The following CREB5 variants were observed in gnomAD, a reference collection of about 807,000 sequenced individuals.
CREB5 encodes cAMP responsive element binding protein 5, also known as cyclic AMP-responsive element-binding protein 5.
CREB5 carries 19 observed loss-of-function variants against 57.1 expected under a neutral mutation model. The ratio of observed to expected loss-of-function variants is 0.33; its 90% confidence interval spans 0.23 to 0.49. CREB5 has a LOEUF of 0.49. Among genes scored for constraint, CREB5 ranks in the 20% least tolerant of loss-of-function variants. The pLI, the probability that CREB5 is intolerant of heterozygous loss-of-function variation, is 0.99. For missense variants in CREB5, 579 were observed against 671.6 expected (o/e 0.86, Z 1.52); for synonymous variants, 238 against 238.3 (o/e 1.00, Z 0.01).
chr7:28,552,433 T>G (rs4722818), intron 4 of CREB5, among the ~76,000 whole-genome samples: 1 of 151,990 alleles, frequency 6.6e-6, no homozygotes, highest in East Asian at 1.9e-4. Flanking sequence ...TTTCCTCCCA[T>G]GTTTCTGGTC....
At chr7:28,711,129 T>C (rs1254665900) in intron 5 of CREB5, among the ~76,000 whole-genome samples, 1 of 152,004 alleles carries the variant, frequency 6.6e-6, no homozygotes. Context: ...CACAGGGAGG[T>C]GGGCTTACTG....
chr7:28,488,074 A>G (rs1791645632), intron 1 of CREB5, 101 bp from the exon 2 acceptor site: 2 of 998,950 alleles, frequency 2.0e-6, no homozygotes, highest in Non-Finnish European at 3.1e-6. Flanking sequence ...TTGGCATAGA[A>G]AGGGGGCTCT....
At chr7:28,618,748 C>T (rs761985744) in intron 5 of CREB5, among the ~76,000 whole-genome samples, 7 of 152,208 alleles carry the variant, frequency 4.6e-5, no homozygotes, top group Non-Finnish European at 8.8e-5. Flanking sequence ...GACAACACCC[C>T]CAACCCCTTG....
intron 4 of CREB5, among the ~76,000 whole-genome samples, chr7:28,545,180 TA>T (rs1251521361): frequency 6.6e-6 from 1 of 152,110 alleles, no homozygotes; most frequent in African/African-American, 2.4e-5. Flanking sequence ...AAATAAAATC[TA>T]AGAATTCCAC....
chr7:28,818,625 T>A (rs1809577232), intron 10 of CREB5: 1 of 404,016 alleles, frequency 2.5e-6, no homozygotes, highest in Non-Finnish European at 4.8e-6. Flanking sequence ...TTTACCAATA[T>A]GTAAAATGAT....
At chr7:28,368,108 C>A (rs1479713722) in intron 1 of CREB5, among the ~76,000 whole-genome samples, 1 of 152,186 alleles carries the variant, frequency 6.6e-6, no homozygotes, top group Non-Finnish European at 1.5e-5. Flanking sequence ...CAGGATGGAA[C>A]TGGAGGCCAT....
At position 28,435,860 on chromosome 7, in the gene CREB5, A is replaced by C. The variant is rs149213290; in HGVS notation, c.3+22943A>C. ...TGGTGACTCTTGGATTTACCTAGAA[A>C]ATGAAAAAATATTCTTTACAGAAAC... On this transcript the variant is annotated intron_variant, in intron 1 of 10. Transcript: ENST00000357727. 4.7e-3 allele frequency among the ~76,000 whole-genome samples: 714 copies of C among 152,234 alleles called. 7 individuals are homozygous for C. Among genetic ancestry groups the C allele is most frequent in the African/African-American group, 0.017 (686 of 41,534 alleles).
At chr7:28,718,378 T>C (rs964343344) in intron 5 of CREB5, among the ~76,000 whole-genome samples, 2 of 152,188 alleles carry the variant, frequency 1.3e-5, no homozygotes, top group Admixed American at 1.3e-4. Flanking sequence ...CTAAAATAAA[T>C]GTACATAGAT....
chr7:28,751,674 C>T (rs1412865232), intron 7 of CREB5, among the ~76,000 whole-genome samples: 2 of 152,162 alleles, frequency 1.3e-5, no homozygotes, highest in Non-Finnish European at 1.5e-5. Context: ...CGATACACAC[C>T]AAGCTTCCTC....
At chr7:28,444,393 C>A (rs941392727) in intron 1 of CREB5, among the ~76,000 whole-genome samples, 1 of 152,130 alleles carries the variant, frequency 6.6e-6, no homozygotes, top group South Asian at 2.1e-4. Flanking sequence ...CATGGCCCAA[C>A]TCAGGAAGCT....
intron 1 of CREB5, among the ~76,000 whole-genome samples, chr7:28,318,425 C>G (rs1361177306): frequency 6.6e-6 from 1 of 152,204 alleles, no homozygotes; most frequent in South Asian, 2.1e-4. Flanking sequence ...TAAAAGTATA[C>G]AAAATTATTT....
intron 1 of CREB5, among the ~76,000 whole-genome samples, chr7:28,306,893 T>G (rs1489474150): frequency 6.6e-6 from 1 of 152,164 alleles, no homozygotes; most frequent in African/African-American, 2.4e-5. Flanking sequence ...AAAAAGGTAT[T>G]CATGAATACA....
chr7:28,588,244 T>C (rs1382361048), intron 5 of CREB5, among the ~76,000 whole-genome samples: 1 of 152,212 alleles, frequency 6.6e-6, no homozygotes, highest in Non-Finnish European at 1.5e-5. Flanking sequence ...ATGTAGGACC[T>C]ATATTGTAAA....
chr7:28,494,874 C>A, intron 2 of CREB5, 32 bp from the exon 3 acceptor site: 1 of 1,383,798 alleles, frequency 7.2e-7, no homozygotes, highest in Non-Finnish European at 9.6e-7. Context: ...GGCTCCTCTT[C>A]TCCCCTCCCT....
rs145228025 is a variant in CREB5 at position 28,457,293 on chromosome 7, C to T, written c.4-30882C>T. The stretch of plus-strand genomic sequence containing the variant: ...GGGGACATTCAAACCACAGCACCCG[C>T]GATTATGAATTTTACCATTGCTAGA... On this transcript the variant is annotated intron_variant, in intron 1 of 10. Transcript: ENST00000357727. Among the ~76,000 whole-genome samples, 75 of 152,162 alleles carry T rather than the reference C, an allele frequency of 4.9e-4. 1 individual carries two copies. Among genetic ancestry groups the T allele is most frequent in the African/African-American group, 1.6e-3 (68 of 41,504 alleles).
intron 1 of CREB5, among the ~76,000 whole-genome samples, chr7:28,486,216 T>C (rs969658322): frequency 6.6e-6 from 1 of 152,158 alleles, no homozygotes. Context: ...CTGACAATGT[T>C]ATCTCAGGCA....
chr7:28,802,463 G>T (rs777150913), intron 7 of CREB5, among the ~76,000 whole-genome samples: 2 of 152,114 alleles, frequency 1.3e-5, no homozygotes, highest in Non-Finnish European at 2.9e-5. Context: ...AGCTTTGATC[G>T]TCATTTAAAT....
At chr7:28,658,961 A>G (rs868416205) in intron 5 of CREB5, among the ~76,000 whole-genome samples, 3,005 of 136,806 alleles carry the variant, frequency 0.022, 197 homozygotes, top group African/African-American at 0.065. Flanking sequence ...GTGTATATAT[A>G]TATATATATA....
chr7:28,385,987 T>C (rs1787090796), intron 1 of CREB5, among the ~76,000 whole-genome samples: 1 of 152,342 alleles, frequency 6.6e-6, no homozygotes, highest in East Asian at 1.9e-4. Context: ...AATAGACTTA[T>C]GTATCTGCCA....
Sources: allele counts gnomAD v4.1 joint callset (sites outside exome capture counted in the v4.1 genomes callset), GRCh38; gene constraint gnomAD v4.1.1; transcripts MANE v1.5; gene names NCBI Gene and HGNC (gene_info 2026-07-23, HGNC 2026-07-21).